Variants in MALRD1 observed in about 807,000 individuals in gnomAD.
MALRD1 encodes the protein MAM and LDL-receptor class A domain-containing protein 1.
A neutral mutation model predicts 242.1 loss-of-function variants in MALRD1; 247 were observed. The ratio of observed to expected loss-of-function variants is 1.02; its 90% CI spans 0.92 to 1.13. MALRD1 has a LOEUF of 1.13. Ranked by LOEUF, MALRD1 falls within the 50% of genes most tolerant of loss-of-function variation. The probability of loss-of-function intolerance (pLI) is 0.00; values close to 1 mark genes in which losing one functional copy is unlikely to be tolerated. For missense variants in MALRD1, 2,989 were observed against 2,533.1 expected (o/e 1.18, Z -3.86); for synonymous variants, 995 against 866.6 (o/e 1.15, Z -2.60).
intron 5 of MALRD1, among the ~76,000 whole-genome samples, chr10:19,112,894 A>G (rs2583649): frequency 6.6e-6 from 1 of 152,170 alleles, no homozygotes; most frequent in African/African-American, 2.4e-5. Context: ...TGTTTTAGTC[A>G]TTGGCAGTTG....
chr10:19,389,515 G>T lies in MALRD1; in HGVS notation c.4751G>T (p.Ser1584Ile). The T allele has an allele frequency of 1.3e-6, 2 of 1,550,610 alleles. No homozygotes were observed. Among genetic ancestry groups the T allele is most frequent in the Middle Eastern group, 1.7e-4 (1 of 5,994 alleles). Residue 1584 changes from serine (S) to isoleucine (I), a missense_variant, in exon 28 of 40, where the codon AGT becomes ATT. By Grantham distance (142) the Ser-to-Ile change is moderately radical. Coordinates refer to ENST00000454679, the MANE Select transcript of MALRD1 (RefSeq NM_001142308.3). ...GLRGDKAHFR[S>I]TMWRESSAAC... is the part of the protein sequence containing the mutation. Reference sequence around the variant, plus strand: ...CGGGGTGACAAAGCACACTTCAGGAGTACCATGTGGCGAGAATCCAGTGCA... The same window carrying T: ...CGGGGTGACAAAGCACACTTCAGGATTACCATGTGGCGAGAATCCAGTGCA...
chr10:19,063,099 T>C (rs1433553993), intron 1 of MALRD1, among the ~76,000 whole-genome samples: 1 of 151,874 alleles, frequency 6.6e-6, no homozygotes, highest in Non-Finnish European at 1.5e-5. Flanking sequence ...TGAGCCATGA[T>C]TGCACCATCA....
intron 33 of MALRD1, among the ~76,000 whole-genome samples, chr10:19,582,831 G>C (rs71550663): frequency 3.9e-5 from 1 of 25,396 alleles, no homozygotes; most frequent in African/African-American, 2.0e-4. Flanking sequence ...CCATTTTCAC[G>C]ATATTGATTC....
chr10:19,518,274 C>G (rs1833726576), intron 31 of MALRD1, among the ~76,000 whole-genome samples: 1 of 152,198 alleles, frequency 6.6e-6, no homozygotes, highest in African/African-American at 2.4e-5. Flanking sequence ...TGGCCTCCTG[C>G]TAATTTAATT....
chr10:19,678,594 A>G (rs371310028), intron 36 of MALRD1, among the ~76,000 whole-genome samples: 3 of 152,276 alleles, frequency 2.0e-5, no homozygotes, highest in East Asian at 3.9e-4. Context: ...TTTTATAGAT[A>G]TAGGATTATG....
At chr10:19,450,847 T>A (rs769873452) in intron 29 of MALRD1, among the ~76,000 whole-genome samples, 2 of 152,122 alleles carry the variant, frequency 1.3e-5, no homozygotes, top group Non-Finnish European at 2.9e-5. Flanking sequence ...TGTCTTCACT[T>A]GGTGGAGTCC....
At chr10:19,530,416 A>AATT (rs1368904117) in intron 31 of MALRD1, among the ~76,000 whole-genome samples, 2 of 31,488 alleles carry the variant, frequency 6.4e-5, no homozygotes, top group Admixed American at 4.6e-4. Context: ...TATTTATATA[A>AATT]TAATAAATAT....
chr10:19,530,435 T>TAA (rs1202261911), intron 31 of MALRD1, among the ~76,000 whole-genome samples: 1 of 40,472 alleles, frequency 2.5e-5, no homozygotes, highest in Admixed American at 4.2e-4. Flanking sequence ...ATATAATATA[T>TAA]ATAATATATA....
At chr10:19,231,912 G>A (rs1838097724) in intron 18 of MALRD1, among the ~76,000 whole-genome samples, 1 of 151,768 alleles carries the variant, frequency 6.6e-6, no homozygotes, top group South Asian at 2.1e-4. Flanking sequence ...ATTAAGCATG[G>A]CTAATATTTA....
Position 19,450,326 on chromosome 10 carries a change from A to T in MALRD1, c.4865A>T (p.Lys1622Ile), listed in dbSNP as rs570928972. The T allele has an allele frequency of 1.4e-5, 22 of 1,548,596 alleles. No individual in the cohort carries two copies. Among genetic ancestry groups the T allele is most frequent in the African/African-American group, 2.7e-5 (2 of 73,104 alleles). ...ILIKTEKGLS[K>I]VWQESKQNPG... ...TTTCAGACAGAGAAAGGACTATCAAAAGTATGGCAAGAAAGTAAGCAGAAC... is the reference window on the plus strand; with the variant it reads ...TTTCAGACAGAGAAAGGACTATCAATAGTATGGCAAGAAAGTAAGCAGAAC... The change falls in exon 29 of 40, where the codon AAA becomes ATA. Residue 1622 changes from lysine (K) to isoleucine (I), a missense_variant. Coordinates refer to ENST00000454679, the MANE Select transcript of MALRD1 (RefSeq NM_001142308.3).
chr10:19,457,577 A>G (rs879707756), intron 29 of MALRD1, among the ~76,000 whole-genome samples: 4 of 151,944 alleles, frequency 2.6e-5, no homozygotes, highest in Non-Finnish European at 5.9e-5. Context: ...TCTGTTTCTA[A>G]AAGAAATTTG....
intron 22 of MALRD1, among the ~76,000 whole-genome samples, chr10:19,325,558 G>A (rs1210270534): frequency 6.6e-6 from 1 of 152,010 alleles, no homozygotes; most frequent in East Asian, 1.9e-4. Flanking sequence ...AATATGCGTA[G>A]ACACCTCAGT....
At chr10:19,689,328 T>G (rs1842728086) in intron 36 of MALRD1, among the ~76,000 whole-genome samples, 1 of 152,118 alleles carries the variant, frequency 6.6e-6, no homozygotes, top group Admixed American at 6.6e-5. Flanking sequence ...GAGGATAGAA[T>G]TGCATATAGG....
intron 26 of MALRD1, among the ~76,000 whole-genome samples, chr10:19,376,047 A>T (rs777965201): frequency 2.0e-5 from 3 of 152,120 alleles, no homozygotes; most frequent in Non-Finnish European, 4.4e-5. Flanking sequence ...GGTTGAACCC[A>T]GGAGATGGAG....
intron 2 of MALRD1, among the ~76,000 whole-genome samples, chr10:19,081,437 A>C (rs1334508551): frequency 6.6e-6 from 1 of 152,130 alleles, no homozygotes; most frequent in Non-Finnish European, 1.5e-5. Flanking sequence ...TGCAGCCATA[A>C]AAAGGAATGA....
chr10:19,718,192 C>T (rs61841482), intron 38 of MALRD1, among the ~76,000 whole-genome samples: 10 of 146,644 alleles, frequency 6.8e-5, no homozygotes, highest in Admixed American at 1.4e-4. Flanking sequence ...AAAAAGAAGA[C>T]GAAGAAGAAG....
intron 34 of MALRD1, among the ~76,000 whole-genome samples, chr10:19,603,328 T>A (rs1838454978): frequency 6.6e-6 from 1 of 152,198 alleles, no homozygotes. Context: ...TGATTTTAGG[T>A]CTAACATTTA....
rs75668722 is a variant in MALRD1, at chr10:19,727,612, A to G, written c.6315-3094A>G. 2.4e-3 allele frequency among the ~76,000 whole-genome samples: 363 copies of G among 152,184 alleles called. 10 individuals carry two copies. In the East Asian group the frequency reaches 0.052, roughly 22 times the overall value. ...CATGCAACTTCCTTTCCTCTACTCAAAATTTCTAAGTCAGTTCCTTTATCA... is the reference window on the plus strand; with the variant it reads ...CATGCAACTTCCTTTCCTCTACTCAGAATTTCTAAGTCAGTTCCTTTATCA... On this transcript the variant is annotated intron_variant, in intron 38 of 39. Transcript: ENST00000454679.
At chr10:19,723,261 A>G (rs1028309531) in intron 38 of MALRD1, among the ~76,000 whole-genome samples, 6 of 152,214 alleles carry the variant, frequency 3.9e-5, no homozygotes, top group Non-Finnish European at 8.8e-5. Context: ...ATCCATTAAC[A>G]TCATTTGACA....
Sources: allele counts gnomAD v4.1 joint callset (sites outside exome capture counted in the v4.1 genomes callset), GRCh38; gene constraint gnomAD v4.1.1; transcripts MANE v1.5; gene names NCBI Gene and HGNC (gene_info 2026-07-23, HGNC 2026-07-21).